DKK2: variants seen among roughly 807,000 people sequenced by gnomAD.
The protein encoded by DKK2 is dickkopf Wnt signaling pathway inhibitor 2.
In DKK2, 11 loss-of-function variants were observed where a neutral mutation model predicts 28.1. The observed-to-expected ratio is 0.39, with a 90% CI of 0.25 to 0.65. The LOEUF (loss-of-function observed/expected upper bound fraction) is 0.65, where lower values mean the gene tolerates loss of function less well. Among genes scored for constraint, DKK2 ranks in the 30% least tolerant of loss-of-function variants. The probability of loss-of-function intolerance (pLI) is 0.47; values close to 1 mark genes in which losing one functional copy is unlikely to be tolerated. For missense variants in DKK2, 326 were observed against 335.5 expected (o/e 0.97, Z 0.22); for synonymous variants, 135 against 126.5 (o/e 1.07, Z -0.45).
chr4:106,968,055 G>A (rs1261952608), intron 1 of DKK2, among the ~76,000 whole-genome samples: 1 of 150,626 alleles, frequency 6.6e-6, no homozygotes, highest in Non-Finnish European at 1.5e-5. Flanking sequence ...GAAAACGGAG[G>A]AATGAAGAAA....
In DKK2 at chr4:106,925,909, C is replaced by A. The variant is rs1724418161; in HGVS notation, c.263G>T (p.Arg88Met). The A allele has an allele frequency of 1.2e-6, 2 of 1,613,620 alleles. No individual in the cohort carries two copies. The highest frequency in any genetic ancestry group is 1.7e-6 in the Non-Finnish European group (2 of 1,179,838). ...CSSDKECEVG[R>M]YCHSPHQGSS... Reference sequence around the variant, plus strand: ...TCCTTGGTGGGGACTGTGGCAATACCTCCCAACTTCACACTCCTTATCACT... The same window carrying A: ...TCCTTGGTGGGGACTGTGGCAATACATCCCAACTTCACACTCCTTATCACT... The change falls in exon 2 of 4, where the codon AGG (arginine) becomes ATG (methionine). Residue 88 changes from arginine (R) to methionine (M), a missense_variant. By Grantham distance (91) the Arg-to-Met change is moderately conservative. Transcript: ENST00000285311.
chr4:107,000,849 A>AAGTTT (rs1357640330), intron 1 of DKK2, among the ~76,000 whole-genome samples: 2 of 152,158 alleles, frequency 1.3e-5, no homozygotes, highest in Non-Finnish European at 2.9e-5. Flanking sequence ...TACAACTAGG[A>AAGTTT]AGTTTAGGTC....
intron 1 of DKK2, among the ~76,000 whole-genome samples, chr4:106,944,888 C>G (rs1246456461): frequency 6.6e-6 from 1 of 152,132 alleles, no homozygotes. Flanking sequence ...GGATGGATTA[C>G]TGTCTGACTA....
At chr4:106,990,912 T>A (rs921768385) in intron 1 of DKK2, among the ~76,000 whole-genome samples, 1 of 151,578 alleles carries the variant, frequency 6.6e-6, no homozygotes, top group Non-Finnish European at 1.5e-5. Context: ...TCTGTACATG[T>A]AGAAGAAAAT....
chr4:106,978,294 A>G (rs1259060811), intron 1 of DKK2, among the ~76,000 whole-genome samples: 6 of 152,178 alleles, frequency 3.9e-5, no homozygotes, highest in Non-Finnish European at 8.8e-5. Context: ...TGCTCTCTTC[A>G]GAGCCAGAAT....
chr4:106,939,985 A>T lies in DKK2; in HGVS notation c.223-14036T>A, dbSNP rs549388534. 3.3e-5 allele frequency among the ~76,000 whole-genome samples: 5 copies of T among 152,352 alleles called. No individual in the cohort carries two copies. The East Asian group carries it at 9.6e-4, about 29-fold the overall frequency. On this transcript the variant is annotated intron_variant, in intron 1 of 3. Coordinates refer to ENST00000285311, the MANE Select transcript of DKK2 (RefSeq NM_014421.3). ...AAGATGGATTACAGACTTAAACGTT[A>T]GACCTAAAACCATAAAAACCCTAGA...
intron 1 of DKK2, among the ~76,000 whole-genome samples, chr4:106,976,831 G>T (rs1433160024): frequency 6.6e-6 from 1 of 151,988 alleles, no homozygotes; most frequent in Non-Finnish European, 1.5e-5. Flanking sequence ...TTCTTCAAAG[G>T]GTCGATGGTC....
At chr4:106,963,785 A>G (rs1269279605) in intron 1 of DKK2, among the ~76,000 whole-genome samples, 2 of 152,244 alleles carry the variant, frequency 1.3e-5, no homozygotes, top group Admixed American at 6.5e-5. Flanking sequence ...AACATGTTCA[A>G]CAATGGATGA....
chr4:106,989,137 A>G (rs1267797143), intron 1 of DKK2, among the ~76,000 whole-genome samples: 1 of 152,206 alleles, frequency 6.6e-6, no homozygotes, highest in African/African-American at 2.4e-5. Flanking sequence ...GGGTCAAGAA[A>G]GAAATGGAAT....
At chr4:107,002,351 C>T (rs576561462) in intron 1 of DKK2, among the ~76,000 whole-genome samples, 10 of 152,190 alleles carry the variant, frequency 6.6e-5, no homozygotes, top group East Asian at 1.9e-4. Context: ...GTTGTTTCTG[C>T]GTTTTACTTG....
intron 1 of DKK2, among the ~76,000 whole-genome samples, chr4:107,027,953 C>T (rs368586087): frequency 1.5e-4 from 23 of 151,992 alleles, no homozygotes; most frequent in Admixed American, 1.4e-3. Context: ...GGGGTTTCAC[C>T]GTGTTAGCCA....
At chr4:107,012,251 ATAAG>A (rs1324501139) in intron 1 of DKK2, among the ~76,000 whole-genome samples, 3 of 151,402 alleles carry the variant, frequency 2.0e-5, no homozygotes, top group East Asian at 1.9e-4. Context: ...CACTTACTTT[ATAAG>A]TAAGAAGGCT....
chr4:107,004,038 T>C (rs1359701680), intron 1 of DKK2, among the ~76,000 whole-genome samples: 2 of 151,538 alleles, frequency 1.3e-5, no homozygotes, highest in African/African-American at 4.8e-5. Flanking sequence ...CTCATATTCA[T>C]AATACTATGT....
intron 1 of DKK2, among the ~76,000 whole-genome samples, chr4:106,942,244 G>A (rs1444114095): frequency 6.6e-6 from 1 of 152,132 alleles, no homozygotes. Flanking sequence ...TACTGAAGAT[G>A]TTGGTCCCCC....
At chr4:106,950,657 G>A (rs1188082648) in intron 1 of DKK2, among the ~76,000 whole-genome samples, 1 of 152,160 alleles carries the variant, frequency 6.6e-6, no homozygotes, top group African/African-American at 2.4e-5. Flanking sequence ...TCCTTGGGCT[G>A]AGGGCTGAGC....
chr4:106,956,639 C>T lies in DKK2; in HGVS notation c.223-30690G>A, dbSNP rs142463964. Among the ~76,000 whole-genome samples the T allele has an allele frequency of 3.4e-3, 510 of 152,178 alleles. 2 individuals carry two copies. Among genetic ancestry groups the T allele is most frequent in the Non-Finnish European group, 6.0e-3 (407 of 67,992 alleles). On this transcript the variant is annotated intron_variant, in intron 1 of 3. Transcript: ENST00000285311. ...TGATCTTTGACAAACCTGAGAAAAACAAGCAATGGGGAAAGGATTCCCTAT... is the reference window on the plus strand; with the variant it reads ...TGATCTTTGACAAACCTGAGAAAAATAAGCAATGGGGAAAGGATTCCCTAT...
intron 1 of DKK2, among the ~76,000 whole-genome samples, chr4:106,996,412 G>T (rs925131479): frequency 1.3e-5 from 2 of 152,156 alleles, no homozygotes; most frequent in Non-Finnish European, 2.9e-5. Flanking sequence ...TATAAGGTTA[G>T]TATGCTACCA....
intron 3 of DKK2, 22 bp from the exon 4 acceptor site, chr4:106,924,226 G>A: frequency 6.2e-7 from 1 of 1,609,036 alleles, no homozygotes; most frequent in Non-Finnish European, 8.5e-7. Context: ...ATGACCAATA[G>A]ATGTTACCCT....
At chr4:106,957,399 A>C (rs896842858) in intron 1 of DKK2, among the ~76,000 whole-genome samples, 20 of 152,040 alleles carry the variant, frequency 1.3e-4, no homozygotes, top group Admixed American at 3.3e-4. Context: ...CATCCCATTA[A>C]GGGGTATATA....
Sources: allele counts gnomAD v4.1 joint callset (sites outside exome capture counted in the v4.1 genomes callset), GRCh38; gene constraint gnomAD v4.1.1; transcripts MANE v1.5; gene names NCBI Gene and HGNC (gene_info 2026-07-23, HGNC 2026-07-21).